Variants in NR3C1 observed in about 807,000 individuals in gnomAD.
NR3C1 encodes the protein glucocorticoid receptor.
Under a neutral mutation model 74.0 loss-of-function variants are expected in NR3C1, and 14 were observed. The ratio of observed to expected loss-of-function variants is 0.19; its 90% CI spans 0.12 to 0.30. The LOEUF (loss-of-function observed/expected upper bound fraction) is 0.30, where lower values mean the gene tolerates loss of function less well. Among genes scored for constraint, NR3C1 ranks in the 10% least tolerant of loss-of-function variants. The pLI is 1.00. For synonymous variants in NR3C1, 308 were observed against 332.5 expected (o/e 0.93, Z 0.80); for missense variants, 695 against 909.8 (o/e 0.76, Z 3.04).
intron 2 of NR3C1, among the ~76,000 whole-genome samples, chr5:143,361,085 T>C (rs952494876): frequency 4.6e-5 from 7 of 152,198 alleles, no homozygotes; most frequent in Non-Finnish European, 1.0e-4. Context: ...GTCTACTGGG[T>C]ATTTAGTTTG....
chr5:143,333,066 C>G, intron 2 of NR3C1: 1 of 1,594,286 alleles, frequency 6.3e-7, no homozygotes, highest in Non-Finnish European at 8.5e-7. Context: ...AGACCTCATT[C>G]ATGAAATTGC....
intron 2 of NR3C1, among the ~76,000 whole-genome samples, chr5:143,348,709 A>C (rs1600168617): frequency 6.6e-6 from 1 of 152,210 alleles, no homozygotes; most frequent in East Asian, 1.9e-4. Flanking sequence ...AAGAAAGTAC[A>C]TGTATCATAA....
chr5:143,382,295 C>T (rs769250200), intron 2 of NR3C1, among the ~76,000 whole-genome samples: 7 of 151,952 alleles, frequency 4.6e-5, no homozygotes, highest in African/African-American at 1.5e-4. Context: ...AATATATATG[C>T]CTACTATATA....
intron 2 of NR3C1, among the ~76,000 whole-genome samples, chr5:143,398,620 C>T (rs369144568): frequency 5.3e-5 from 8 of 151,928 alleles, no homozygotes; most frequent in Admixed American, 5.2e-4. Context: ...ACCATGTCTT[C>T]TTTTAAAAAA....
At position 143,399,765 on chromosome 5, in the gene NR3C1, C is replaced by A. The variant is rs370839677; in HGVS notation, c.1075G>T (p.Val359Phe). The change falls in exon 2 of 9, where the codon GTT (valine) becomes TTT (phenylalanine). Residue 359 changes from valine (V) to phenylalanine (F), a missense_variant. Val to Phe is a conservative substitution (Grantham distance 50). Around this residue, in one of 4 missense-constraint regions of NR3C1, gnomAD observed 497 missense variants for 489.5 expected, o/e 1.02. Coordinates refer to ENST00000394464, the MANE Select transcript of NR3C1 (RefSeq NM_000176.3). The part of the protein sequence containing the change: ...PIFNVIPPIP[V>F]GSENWNRCQG... ...CACCTATTCCAATTTTCGGAACCAA[C>A]GGGAATTGGTGGAATGACATTAAAA... 4 of 1,614,014 alleles carry A rather than the reference C, an allele frequency of 2.5e-6. No individual in the cohort carries two copies. The highest frequency in any genetic ancestry group is 1.7e-5 in the Admixed American group (1 of 59,998).
At chr5:143,347,766 C>T (rs1429233283) in intron 2 of NR3C1, among the ~76,000 whole-genome samples, 6 of 152,164 alleles carry the variant, frequency 3.9e-5, no homozygotes, top group African/African-American at 1.4e-4. Context: ...ACAGCTCTAC[C>T]AAAATATATG....
At chr5:143,405,166 T>A, upstream of NR3C1, 1 of 985,490 alleles carries the variant, frequency 1.0e-6, no homozygotes, top group Non-Finnish European at 1.2e-6. Context: ...CGGCACAGAT[T>A]ATGATTTTTG....
intron 2 of NR3C1, among the ~76,000 whole-genome samples, chr5:143,351,729 A>G (rs760251185): frequency 2.0e-5 from 3 of 152,212 alleles, no homozygotes; most frequent in Non-Finnish European, 2.9e-5. Flanking sequence ...CAGCTAAGTA[A>G]AATGACAAAA....
At chr5:143,355,629 T>C (rs1831002061) in intron 2 of NR3C1, among the ~76,000 whole-genome samples, 1 of 152,130 alleles carries the variant, frequency 6.6e-6, no homozygotes, top group South Asian at 2.1e-4. Flanking sequence ...CCAAATGTGA[T>C]CCTAAATAAA....
chr5:143,364,258 T>A (rs982980305), intron 2 of NR3C1, among the ~76,000 whole-genome samples: 1 of 152,202 alleles, frequency 6.6e-6, no homozygotes, highest in Non-Finnish European at 1.5e-5. Flanking sequence ...GCTGAAAGAA[T>A]TACATGTCAA....
chr5:143,314,737 T>G (rs1049052179), intron 2 of NR3C1, among the ~76,000 whole-genome samples: 15 of 152,346 alleles, frequency 9.8e-5, no homozygotes, highest in African/African-American at 3.4e-4. Context: ...TTTTTTACAA[T>G]CTTAAAGTTT....
rs1348168784 is a variant in NR3C1 at position 143,279,326 on chromosome 5, G to A, written c.*2563C>T. 6.5e-7 allele frequency: 1 copy of A among 1,539,688 alleles called. No homozygotes were observed. Among genetic ancestry groups the A allele is most frequent in the Non-Finnish European group, 8.7e-7 (1 of 1,143,698 alleles). On this transcript the variant is annotated 3_prime_UTR_variant, in exon 9 of 9. Transcript: ENST00000394464. ...CACATAATCTTCTTTTTCTCATTGAGTTCTATTTTTTGAGCGCCAAGATTG... is the reference window on the plus strand; with the variant it reads ...CACATAATCTTCTTTTTCTCATTGAATTCTATTTTTTGAGCGCCAAGATTG...
intron 2 of NR3C1, among the ~76,000 whole-genome samples, chr5:143,335,975 C>T (rs936023142): frequency 2.0e-5 from 3 of 152,202 alleles, no homozygotes; most frequent in African/African-American, 7.2e-5. Flanking sequence ...TGTATTTCCC[C>T]ATATTCGCTT....
In NR3C1 at chr5:143,279,076, A is replaced by G. The variant is rs1477524575; in HGVS notation, c.*2813T>C. The G allele has an allele frequency of 2.5e-6, 1 of 400,998 alleles. No homozygotes were observed. The highest frequency in any genetic ancestry group is 2.1e-5 in the African/African-American group (1 of 46,748). 24.8% of individuals were successfully genotyped at this position (400,998 alleles called of 1,614,324 possible). ...CCAACTCTCACTGAAGTTACTACAAACTTCAACAGTTTGGGTTGGGATGGC... is the reference window on the plus strand; with the variant it reads ...CCAACTCTCACTGAAGTTACTACAAGCTTCAACAGTTTGGGTTGGGATGGC... On this transcript the variant is annotated 3_prime_UTR_variant, in exon 9 of 9. Transcript: ENST00000394464.
intron 1 of NR3C1, 134 bp downstream of exon 1, chr5:143,403,077 C>A: frequency 1.2e-6 from 1 of 835,594 alleles, no homozygotes; most frequent in Non-Finnish European, 1.4e-6. Context: ...CCGGCCCTTG[C>A]CAGCCCCCCA....
chr5:143,314,126 G>A lies in NR3C1; in HGVS notation c.1227C>T (p.Ser409=). ...GAGGTGGTCCTGTTGTTGCTGTTGA[G>A]GAGCTGGATGGAGGAGAGCTTACAT... ...RPDVSSPPSS[S]STATTGPPPK... The change falls in exon 3 of 9, where the codon TCC becomes TCT. Residue 409 remains serine, a synonymous_variant. Coordinates refer to ENST00000394464, the MANE Select transcript of NR3C1 (RefSeq NM_000176.3). 1 of 1,613,756 alleles carries A rather than the reference G, an allele frequency of 6.2e-7. No individual in the cohort carries two copies. The highest frequency in any genetic ancestry group is 8.5e-7 in the Non-Finnish European group (1 of 1,179,754).
At chr5:143,434,419 G>C in intron 1 of NR3C1, 1 of 423,166 alleles carries the variant, frequency 2.4e-6, no homozygotes, top group Non-Finnish European at 3.2e-6. Context: ...CACAACATCA[G>C]CCTTGTGATT....
chr5:143,358,328 T>C (rs569468467), intron 2 of NR3C1, among the ~76,000 whole-genome samples: 2 of 152,318 alleles, frequency 1.3e-5, no homozygotes, highest in East Asian at 3.9e-4. Context: ...AAGCAAGTTT[T>C]CCACAGGAGT....
At chr5:143,430,956 T>C (rs1276222698) in intron 1 of NR3C1, among the ~76,000 whole-genome samples, 1 of 152,216 alleles carries the variant, frequency 6.6e-6, no homozygotes, top group African/African-American at 2.4e-5. Flanking sequence ...GTAATTCTGC[T>C]TAGGAACTTC....
Sources: allele counts gnomAD v4.1 joint callset (sites outside exome capture counted in the v4.1 genomes callset), GRCh38; gene constraint gnomAD v4.1.1; regional missense constraint gnomAD v4.1.1; transcripts MANE v1.5; gene names NCBI Gene and HGNC (gene_info 2026-07-23, HGNC 2026-07-21).